ACOT11: variants seen among roughly 807,000 people sequenced by gnomAD.
ACOT11 encodes the protein acyl-CoA thioesterase 11, also known as acyl-coenzyme A thioesterase 11.
Under a neutral mutation model 77.5 loss-of-function variants are expected in ACOT11, and 69 were observed. The observed-to-expected ratio is 0.89, with a 90% confidence interval of 0.73 to 1.09. The LOEUF (loss-of-function observed/expected upper bound fraction) is 1.09, where lower values mean the gene tolerates loss of function less well. Ranked by LOEUF, ACOT11 falls within the 50% of genes least tolerant of loss-of-function variation. The probability of loss-of-function intolerance (pLI) is 0.00; values close to 1 mark genes in which losing one functional copy is unlikely to be tolerated. For missense variants in ACOT11, 766 were observed against 813.7 expected, an observed-to-expected ratio of 0.94 and a Z score of 0.71; for synonymous variants, 279 against 313.0, an observed-to-expected ratio of 0.89 and a Z score of 1.15.
At chr1:54,570,787 T>C (rs183378306) in intron 1 of ACOT11, among the ~76,000 whole-genome samples, 63 of 151,928 alleles carry the variant, frequency 4.1e-4, no homozygotes, top group African/African-American at 1.4e-3. Context: ...TTCAAGCGAC[T>C]CTCCTGCCTC....
At chr1:54,549,439 G>A (rs1412360822) in intron 1 of ACOT11, among the ~76,000 whole-genome samples, 1 of 152,096 alleles carries the variant, frequency 6.6e-6, no homozygotes, top group Non-Finnish European at 1.5e-5. Context: ...CTCTCCTCCA[G>A]GCTGTTGTAC....
intron 3 of ACOT11, 56 bp from the exon 4 acceptor site, chr1:54,592,490 C>T: frequency 6.5e-7 from 1 of 1,541,398 alleles, no homozygotes; most frequent in South Asian, 1.2e-5. Context: ...ATCTGAGGCC[C>T]CTGTTCCTCC....
intron 10 of ACOT11, among the ~76,000 whole-genome samples, chr1:54,603,310 T>C (rs1220344228): frequency 6.6e-6 from 1 of 152,168 alleles, no homozygotes; most frequent in Admixed American, 6.5e-5. Flanking sequence ...GATTGTGCCA[T>C]TGCACTCCAG....
chr1:54,574,664 C>T (rs916192518), intron 1 of ACOT11, among the ~76,000 whole-genome samples: 2 of 152,160 alleles, frequency 1.3e-5, no homozygotes, highest in Admixed American at 1.3e-4. Flanking sequence ...GCCCAGAGAC[C>T]TCCCCATCAT....
At chr1:54,623,416 G>A (rs1569808547) in intron 15 of ACOT11, 1 of 1,586,522 alleles carries the variant, frequency 6.3e-7, no homozygotes, top group Non-Finnish European at 8.7e-7. Context: ...TCTGGGGAAT[G>A]CCCCCAACTC....
intron 1 of ACOT11, among the ~76,000 whole-genome samples, chr1:54,554,353 T>TATATA (rs1557644014): frequency 3.0e-4 from 10 of 33,436 alleles, no homozygotes; most frequent in Non-Finnish European, 5.3e-4. Context: ...ATATATATAT[T>TATATA]TTTTTTTTTT....
intron 1 of ACOT11, chr1:54,582,478 A>G: frequency 1.0e-6 from 1 of 985,426 alleles, no homozygotes; most frequent in Non-Finnish European, 1.2e-6. Context: ...CAAATGAACA[A>G]ATGAACCAGT....
At chr1:54,617,157 C>T (rs1644181532) in intron 15 of ACOT11, among the ~76,000 whole-genome samples, 1 of 152,182 alleles carries the variant, frequency 6.6e-6, no homozygotes, top group African/African-American at 2.4e-5. Flanking sequence ...AGGTGGACAT[C>T]TTCTGATTCC....
At chr1:54,548,783 G>A (rs1652962695) in intron 1 of ACOT11, among the ~76,000 whole-genome samples, 1 of 152,172 alleles carries the variant, frequency 6.6e-6, no homozygotes, top group Non-Finnish European at 1.5e-5. Context: ...ATGTGTGGTG[G>A]GGTGAGGTCG....
At chr1:54,592,640 C>T (rs572327660) in intron 4 of ACOT11, 34 bp downstream of exon 4, 53 of 1,605,926 alleles carry the variant, frequency 3.3e-5, no homozygotes, top group African/African-American at 2.1e-4. Context: ...GGAGTGGGTG[C>T]GTGGGTGGGT....
chr1:54,548,451 A>C, intron 1 of ACOT11, 109 bp downstream of exon 1: 1 of 1,344,048 alleles, frequency 7.4e-7, no homozygotes, highest in East Asian at 2.5e-5. Flanking sequence ...CACACTCTCC[A>C]CGGGCCATTT....
chr1:54,619,140 T>C (rs1644203488), intron 15 of ACOT11, among the ~76,000 whole-genome samples: 1 of 152,158 alleles, frequency 6.6e-6, no homozygotes, highest in African/African-American at 2.4e-5. Flanking sequence ...TCAGCATCAC[T>C]TGAGGGTGGG....
intron 6 of ACOT11, among the ~76,000 whole-genome samples, chr1:54,594,917 A>G (rs1337912397): frequency 6.6e-6 from 1 of 152,238 alleles, no homozygotes; most frequent in Non-Finnish European, 1.5e-5. Flanking sequence ...CCGTTAGGTC[A>G]TGTGGAAATC....
intron 15 of ACOT11, among the ~76,000 whole-genome samples, chr1:54,624,447 T>C (rs2164035): frequency 0.51 from 77,702 of 151,806 alleles, 20,449 homozygotes; most frequent in East Asian, 0.62. Flanking sequence ...GCCTCGGCCT[T>C]CCCGAGGAGG....
intron 1 of ACOT11, among the ~76,000 whole-genome samples, chr1:54,574,300 C>G (rs1329955188): frequency 6.6e-6 from 1 of 152,220 alleles, no homozygotes; most frequent in Non-Finnish European, 1.5e-5. Flanking sequence ...CATCTGCACA[C>G]AGGGTCAGAC....
At chr1:54,591,001 G>A (rs1654693902) in intron 3 of ACOT11, among the ~76,000 whole-genome samples, 2 of 152,104 alleles carry the variant, frequency 1.3e-5, no homozygotes, top group South Asian at 4.1e-4. Flanking sequence ...CAGGTGATCT[G>A]CCTGCCTTGG....
rs751175546 is a variant in ACOT11 at position 54,609,302 on chromosome 1, T to C, written c.*190T>C. The C allele has an allele frequency of 2.5e-6, 4 of 1,610,316 alleles. No individual in the cohort carries two copies. Among genetic ancestry groups the C allele is most frequent in the Non-Finnish European group, 3.4e-6 (4 of 1,177,168 alleles). ...ACCAACATGAGCCAGCAAGTCCTTG[T>C]GGTAGCCCTGGGGTAGCCTGTAGTA... On this transcript the variant is annotated 3_prime_UTR_variant, in exon 16 of 16. Coordinates refer to ENST00000343744, the MANE Select transcript of ACOT11 (RefSeq NM_147161.4).
Position 54,607,460 on chromosome 1 carries a change from A to G in ACOT11, c.1502+195A>G, listed in dbSNP as rs1644041649. On this transcript the variant is annotated intron_variant, in intron 14 of 15. Coordinates refer to ENST00000343744, the MANE Select transcript of ACOT11 (RefSeq NM_147161.4). The surrounding 1 kb of genome is among the most constrained non-coding windows in gnomAD (Gnocchi z 4.5). The stretch of plus-strand genomic sequence containing the variant: ...GGTAAAATGAGGGATAGGGGCACAC[A>G]TTTCCCCTCTTGTCGCATTCCCTAG... 6.6e-6 allele frequency among the ~76,000 whole-genome samples: 1 copy of G among 151,984 alleles called. No homozygotes were observed. The highest frequency in any genetic ancestry group is 2.1e-4 in the South Asian group (1 of 4,832).
chr1:54,580,843 A>G (rs1389813549), intron 1 of ACOT11, among the ~76,000 whole-genome samples: 1 of 152,184 alleles, frequency 6.6e-6, no homozygotes, highest in East Asian at 1.9e-4. Flanking sequence ...GATGAGGAAG[A>G]GCTCACCTAG....
Sources: gnomAD v4.1 joint callset for allele counts (sites outside exome capture counted in the v4.1 genomes callset) on GRCh38, gnomAD v4.1.1 for gene constraint, Gnocchi (gnomAD v3.1) non-coding constraint, MANE v1.5 for transcripts, NCBI Gene and HGNC (gene_info 2026-07-23, HGNC 2026-07-21) for gene names.